EDRF1: variants seen among roughly 807,000 people sequenced by gnomAD.
The protein encoded by EDRF1 is erythroid differentiation regulatory factor 1, also known as erythroid differentiation-related factor 1.
In EDRF1, 69 loss-of-function variants were observed where a neutral mutation model predicts 148.7. The observed-to-expected ratio is 0.46, with a 90% confidence interval of 0.38 to 0.57. The LOEUF (loss-of-function observed/expected upper bound fraction) is 0.57. Ranked by LOEUF, EDRF1 falls within the 20% of genes least tolerant of loss-of-function variation. The pLI is 0.00. For synonymous variants in EDRF1, 515 were observed against 532.8 expected (o/e 0.97, Z 0.46); for missense variants, 1,118 against 1,478.7 (o/e 0.76, Z 4.00).
At position 125,743,122 on chromosome 10, in the gene EDRF1, T is replaced by C. The variant is rs1484862033; in HGVS notation, c.2436T>C (p.Cys812=). Residue 812 remains cysteine, a synonymous_variant, in exon 18 of 25, where the codon TGT becomes TGC. Coordinates refer to ENST00000356792, the MANE Select transcript of EDRF1 (RefSeq NM_001202438.2). ...GTCAACTCTCTGTTAGTTGTAAATG[T>C]TATGAGGCTGCTAATGAAATCTTGC... The part of the protein sequence containing the change: ...LESQLSVSCK[C]YEAANEILQF... 6.2e-7 allele frequency: 1 copy of C among 1,613,856 alleles called. No individual in the cohort carries two copies. Among genetic ancestry groups the C allele is most frequent in the East Asian group, 2.2e-5 (1 of 44,820 alleles).
chr10:125,729,993 A>C (rs1848422433), intron 8 of EDRF1, among the ~76,000 whole-genome samples: 1 of 152,160 alleles, frequency 6.6e-6, no homozygotes, highest in Non-Finnish European at 1.5e-5. Flanking sequence ...TCTTTCTTCA[A>C]GTTGTGTGTG....
chr10:125,746,467 A>G (rs1275327318), intron 19 of EDRF1, among the ~76,000 whole-genome samples: 1 of 152,274 alleles, frequency 6.6e-6, no homozygotes, highest in Non-Finnish European at 1.5e-5. Context: ...AGAATCATTG[A>G]AAATAAACCA....
intron 13 of EDRF1, among the ~76,000 whole-genome samples, 195 bp downstream of exon 13, chr10:125,736,099 A>G (rs910491044): frequency 5.3e-5 from 8 of 152,180 alleles, no homozygotes; most frequent in African/African-American, 1.4e-4. Context: ...ATGCAAGCCT[A>G]TAGTGGACAG....
At chr10:125,729,131 A>G (rs765710213) in intron 7 of EDRF1, 27 bp downstream of exon 7, 1 of 1,539,034 alleles carries the variant, frequency 6.5e-7, no homozygotes. Flanking sequence ...GTCCAAGGTG[A>G]CAGCAAATCC....
chr10:125,727,009 C>T (rs1447054969), intron 6 of EDRF1, among the ~76,000 whole-genome samples: 1 of 149,182 alleles, frequency 6.7e-6, no homozygotes, highest in African/African-American at 2.5e-5. Context: ...CTGAATAGCT[C>T]TTATGCCATG....
At chr10:125,730,777 A>G (rs909714426) in intron 9 of EDRF1, among the ~76,000 whole-genome samples, 5 of 152,222 alleles carry the variant, frequency 3.3e-5, no homozygotes, top group African/African-American at 1.2e-4. Context: ...TAAAAATTGC[A>G]TATGGTGGAT....
At chr10:125,731,264 C>G (rs1303933904) in intron 9 of EDRF1, among the ~76,000 whole-genome samples, 2 of 152,116 alleles carry the variant, frequency 1.3e-5, no homozygotes, top group Non-Finnish European at 2.9e-5. Context: ...GCAGAGAGAA[C>G]AGTAGGAGAC....
intron 6 of EDRF1, among the ~76,000 whole-genome samples, chr10:125,728,013 A>G (rs1334371602): frequency 3.9e-5 from 6 of 151,978 alleles, no homozygotes; most frequent in Non-Finnish European, 7.4e-5. Context: ...CCTGGCCAAC[A>G]TGGCGAAACC....
chr10:125,747,907 C>G lies in EDRF1; in HGVS notation c.3018C>G (p.Tyr1006Ter). ...VSEAMMKSLK[Y>*]CDVDSVSARQ... ...AGGCCATGATGAAGTCCCTAAAATA[C>G]TGCGATGTGGATTCAGTGTCTGCTC... The change falls in exon 21 of 25, where the codon TAC (tyrosine) becomes TAG (stop). Residue 1006 changes from tyrosine (Y) to a stop codon, truncating the protein, a stop_gained. Transcript: ENST00000356792. LOFTEE classifies it high-confidence loss of function. 6.2e-7 allele frequency: 1 copy of G among 1,614,154 alleles called. No homozygotes were observed. Among genetic ancestry groups the G allele is most frequent in the Non-Finnish European group, 8.5e-7 (1 of 1,180,014 alleles).
Position 125,755,305 on chromosome 10 carries a change from T to C in EDRF1, c.3545+1460T>C, listed in dbSNP as rs374813228. ...AGCCTTGTTTAGTGGATTACGTTGATTCTTCAGATGTTAAACCAGCTTTGC... is the reference window on the plus strand; with the variant it reads ...AGCCTTGTTTAGTGGATTACGTTGACTCTTCAGATGTTAAACCAGCTTTGC... On this transcript the variant is annotated intron_variant, in intron 24 of 24. Coordinates refer to ENST00000356792, the MANE Select transcript of EDRF1 (RefSeq NM_001202438.2). Among the ~76,000 whole-genome samples, 9 of 152,258 alleles carry C rather than the reference T, an allele frequency of 5.9e-5. No homozygotes were observed. The East Asian group carries it at 1.7e-3, about 29-fold the overall frequency.
chr10:125,733,764 A>C (rs1454498861), intron 11 of EDRF1, 21 bp downstream of exon 11: 1 of 1,581,558 alleles, frequency 6.3e-7, no homozygotes, highest in African/African-American at 1.3e-5. Context: ...TAAGAATTTA[A>C]GATGAAGAAG....
intron 24 of EDRF1, among the ~76,000 whole-genome samples, chr10:125,756,098 C>G (rs1849887993): frequency 6.6e-6 from 1 of 152,134 alleles, no homozygotes; most frequent in African/African-American, 2.4e-5. Context: ...AAATTTTCTT[C>G]TAAAGCACTG....
At chr10:125,725,219 AT>A in intron 4 of EDRF1, 98 bp from the exon 5 acceptor site, 1 of 1,388,154 alleles carries the variant, frequency 7.2e-7, no homozygotes, top group East Asian at 2.3e-5. Flanking sequence ...TTATGAAACT[AT>A]TCAAAAAATA....
intron 17 of EDRF1, chr10:125,742,415 G>A (rs1849075343): frequency 1.8e-6 from 2 of 1,110,772 alleles, no homozygotes; most frequent in Non-Finnish European, 2.2e-6. Context: ...ATTACTTGAT[G>A]TTTGCCTCCC....
At chr10:125,720,416 C>T (rs1202326963) in intron 1 of EDRF1, among the ~76,000 whole-genome samples, 1 of 152,168 alleles carries the variant, frequency 6.6e-6, no homozygotes, top group Admixed American at 6.5e-5. Flanking sequence ...ACCATGCATG[C>T]ATGCATGAAC....
intron 2 of EDRF1, among the ~76,000 whole-genome samples, chr10:125,721,837 C>G (rs74162848): frequency 0.013 from 1,940 of 152,246 alleles, 55 homozygotes; most frequent in African/African-American, 0.044. Flanking sequence ...GATTTAAAAA[C>G]CCAGCATGTT....
In EDRF1 at chr10:125,729,388, C is replaced by T; in HGVS notation, c.925C>T (p.Leu309=). 2 of 1,613,336 alleles carry T rather than the reference C, an allele frequency of 1.2e-6. No homozygotes were observed. The highest frequency in any genetic ancestry group is 1.7e-6 in the Non-Finnish European group (2 of 1,179,290). The part of the protein sequence containing the change: ...GLKNDFVRNI[L]WTFEDIHMLV... ...TAAAAATGATTTTGTTCGGAATATT[C>T]TATGGACATTTGAAGATATCCATAT... The change falls in exon 8 of 25, where the codon CTA becomes TTA. Residue 309 remains leucine (L), a synonymous_variant. Coordinates refer to ENST00000356792, the MANE Select transcript of EDRF1 (RefSeq NM_001202438.2).
At chr10:125,741,977 A>G (rs1849041560) in intron 17 of EDRF1, among the ~76,000 whole-genome samples, 1 of 152,208 alleles carries the variant, frequency 6.6e-6, no homozygotes, top group African/African-American at 2.4e-5. Context: ...TACAGGCACG[A>G]GCCACTGCAC....
intron 24 of EDRF1, among the ~76,000 whole-genome samples, chr10:125,759,376 C>T (rs1274488133): frequency 6.6e-6 from 1 of 152,216 alleles, no homozygotes; most frequent in Admixed American, 6.5e-5. Context: ...CCACCTCTCT[C>T]ATGGATTTAA....
Sources: allele counts gnomAD v4.1 joint callset (sites outside exome capture counted in the v4.1 genomes callset), GRCh38; gene constraint gnomAD v4.1.1; transcripts MANE v1.5; gene names NCBI Gene and HGNC (gene_info 2026-07-23, HGNC 2026-07-21).